Variants in NPAS3 observed in about 807,000 individuals in gnomAD.
NPAS3 encodes the protein neuronal PAS domain protein 3.
NPAS3 carries 14 observed loss-of-function variants against 73.1 expected under a neutral mutation model. The observed-to-expected ratio is 0.19, with a 90% confidence interval of 0.13 to 0.30. The LOEUF is 0.30. Ranked by LOEUF, NPAS3 falls within the 10% of genes least tolerant of loss-of-function variation. NPAS3 has a pLI of 1.00. For missense variants in NPAS3, 1,096 were observed against 1,250.0 expected (o/e 0.88, Z 1.86); for synonymous variants, 620 against 541.5 (o/e 1.14, Z -2.01).
intron 5 of NPAS3, among the ~76,000 whole-genome samples, chr14:33,667,013 T>G (rs1207743288): frequency 6.6e-6 from 1 of 152,226 alleles, no homozygotes; most frequent in Non-Finnish European, 1.5e-5. Context: ...TAGCCGCATT[T>G]TAAAAAGTAA....
rs149268085 is a variant in NPAS3, at chr14:33,733,040, A to G, written c.734-2174A>G. 4.3e-3 allele frequency among the ~76,000 whole-genome samples: 659 copies of G among 152,334 alleles called. 7 individuals are homozygous for G. The highest frequency in any genetic ancestry group is 0.015 in the African/African-American group (631 of 41,576). On this transcript the variant is annotated intron_variant, in intron 6 of 11. Transcript: ENST00000356141. ...CCTCCCTTACTGGGTCAGGGGCTCC[A>G]GGACCCCAGCGCTAAAACAGGTTTC...
intron 5 of NPAS3, among the ~76,000 whole-genome samples, chr14:33,588,109 T>G (rs1240050759): frequency 2.0e-5 from 3 of 152,218 alleles, no homozygotes; most frequent in Non-Finnish European, 2.9e-5. Flanking sequence ...GTTTGGGGAA[T>G]GCAAAAATAT....
At chr14:33,131,632 T>C (rs10483426) in intron 2 of NPAS3, among the ~76,000 whole-genome samples, 74,930 of 151,924 alleles carry the variant, frequency 0.49, 19,024 homozygotes, top group Non-Finnish European at 0.56. Flanking sequence ...CTAGTAATTA[T>C]AGAAAATACG....
At chr14:33,607,548 T>C (rs1417396360) in intron 5 of NPAS3, among the ~76,000 whole-genome samples, 1 of 152,066 alleles carries the variant, frequency 6.6e-6, no homozygotes, top group African/African-American at 2.4e-5. Flanking sequence ...GAAAAAGGCA[T>C]GAGGAAATGT....
At chr14:33,322,966 A>G (rs747467333) in intron 3 of NPAS3, among the ~76,000 whole-genome samples, 7 of 152,146 alleles carry the variant, frequency 4.6e-5, no homozygotes, top group Non-Finnish European at 8.8e-5. Context: ...TAGTACTAGA[A>G]GTTCTGCCTA....
At chr14:33,571,374 C>T (rs748047499) in intron 5 of NPAS3, among the ~76,000 whole-genome samples, 4 of 152,048 alleles carry the variant, frequency 2.6e-5, no homozygotes, top group East Asian at 1.9e-4. Context: ...GGGTAGGGCT[C>T]GAGGAGGGGA....
chr14:33,673,746 A>G (rs1039181162), intron 5 of NPAS3, among the ~76,000 whole-genome samples: 2 of 152,238 alleles, frequency 1.3e-5, no homozygotes, highest in East Asian at 3.8e-4. Context: ...TACAATGTGA[A>G]TGGTTCTCCT....
Position 33,797,721 on chromosome 14 carries a change from T to C in NPAS3, c.1426+140T>C, listed in dbSNP as rs1354684370. 9 of 802,538 alleles carry C rather than the reference T, an allele frequency of 1.1e-5. No homozygotes were observed. In the Admixed American group the frequency reaches 2.0e-4, roughly 18 times the overall value. The allele number at this position is 802,538 out of a possible 1,614,324, so 49.7% of individuals were successfully genotyped here. The stretch of plus-strand genomic sequence containing the variant: ...GACATATGTCACATCAAGTTATTAC[T>C]GAGTGTCTGCCTCTCTCCAGACACA... On this transcript the variant is annotated intron_variant, in intron 11 of 11. Transcript: ENST00000356141.
At chr14:33,148,868 G>C (rs2044342524) in intron 2 of NPAS3, among the ~76,000 whole-genome samples, 1 of 151,966 alleles carries the variant, frequency 6.6e-6, no homozygotes, top group Non-Finnish European at 1.5e-5. Flanking sequence ...TAATTTTTTG[G>C]TTGAGATGGG....
chr14:33,519,319 C>T (rs2053453798), intron 4 of NPAS3, among the ~76,000 whole-genome samples: 1 of 152,092 alleles, frequency 6.6e-6, no homozygotes, highest in Non-Finnish European at 1.5e-5. Flanking sequence ...TGATTGTTTC[C>T]TACTCTTCTC....
intron 1 of NPAS3, among the ~76,000 whole-genome samples, chr14:33,046,624 T>C (rs1261383094): frequency 1.3e-5 from 2 of 152,142 alleles, no homozygotes; most frequent in Non-Finnish European, 2.9e-5. Flanking sequence ...GTTCTATATG[T>C]GCTATCTGGA....
chr14:33,255,748 A>G (rs2048756235), intron 3 of NPAS3, among the ~76,000 whole-genome samples: 1 of 152,132 alleles, frequency 6.6e-6, no homozygotes, highest in Admixed American at 6.5e-5. Flanking sequence ...TCTTTGTCTC[A>G]TCCTTCCCCA....
chr14:33,263,246 G>A (rs1430141947), intron 3 of NPAS3, among the ~76,000 whole-genome samples: 3 of 152,118 alleles, frequency 2.0e-5, no homozygotes, highest in African/African-American at 7.2e-5. Context: ...AGTTTTTATG[G>A]TTTTAGGTCT....
intron 3 of NPAS3, among the ~76,000 whole-genome samples, chr14:33,254,592 T>C (rs1261996106): frequency 1.3e-5 from 2 of 152,166 alleles, no homozygotes; most frequent in Non-Finnish European, 2.9e-5. Flanking sequence ...AAGTTAATTA[T>C]GTATTGAAGA....
At chr14:33,170,803 T>G (rs937734830) in intron 2 of NPAS3, among the ~76,000 whole-genome samples, 2 of 152,214 alleles carry the variant, frequency 1.3e-5, no homozygotes, top group Admixed American at 1.3e-4. Flanking sequence ...TTCATTTCCA[T>G]ACATCTGCAA....
intron 2 of NPAS3, among the ~76,000 whole-genome samples, chr14:33,064,492 C>T (rs1288769656): frequency 6.6e-6 from 1 of 152,136 alleles, no homozygotes; most frequent in Non-Finnish European, 1.5e-5. Flanking sequence ...GCTCACAGAG[C>T]AGGCTTTGGT....
intron 3 of NPAS3, among the ~76,000 whole-genome samples, chr14:33,225,086 C>A (rs1047123256): frequency 6.6e-6 from 1 of 152,112 alleles, no homozygotes; most frequent in Non-Finnish European, 1.5e-5. Context: ...AATATTGAGT[C>A]CCCAAATGCT....
Position 33,338,077 on chromosome 14 carries a change from C to T in NPAS3, c.386-29109C>T, listed in dbSNP as rs184482185. Among the ~76,000 whole-genome samples the T allele has an allele frequency of 3.3e-3, 501 of 151,602 alleles. 3 individuals are homozygous for T. Among genetic ancestry groups the T allele is most frequent in the African/African-American group, 0.01 (425 of 41,336 alleles). On this transcript the variant is annotated intron_variant, in intron 3 of 11. Transcript: ENST00000356141. The stretch of plus-strand genomic sequence containing the variant: ...TATAGCTTCAATGTCTTTTTCTTGC[C>T]TTATTACATTGGTTAGAACCTCTAG...
intron 2 of NPAS3, among the ~76,000 whole-genome samples, chr14:33,162,888 G>C (rs1223031411): frequency 1.3e-5 from 2 of 152,200 alleles, no homozygotes; most frequent in African/African-American, 4.8e-5. Context: ...GTGGAATTGA[G>C]CATCGGTAGA....
Sources: gnomAD v4.1 joint callset for allele counts (sites outside exome capture counted in the v4.1 genomes callset) on GRCh38, gnomAD v4.1.1 for gene constraint, MANE v1.5 for transcripts, NCBI Gene and HGNC (gene_info 2026-07-23, HGNC 2026-07-21) for gene names.